The following NECTIN3 variants were observed in gnomAD, a reference collection of about 807,000 sequenced individuals.
The protein encoded by NECTIN3 is nectin cell adhesion molecule 3.
NECTIN3 carries 8 observed loss-of-function variants against 49.4 expected under a neutral mutation model. That is an observed-to-expected ratio of 0.16 (90% CI 0.10 to 0.29). The LOEUF is 0.29. Ranked by LOEUF, NECTIN3 falls within the 10% of genes least tolerant of loss-of-function variation. The pLI is 1.00. For synonymous variants in NECTIN3, 277 were observed against 241.1 expected (o/e 1.15, Z -1.38); for missense variants, 581 against 654.6 (o/e 0.89, Z 1.23).
At chr3:111,119,948 C>A (rs2033874842) in intron 3 of NECTIN3, among the ~76,000 whole-genome samples, 1 of 152,124 alleles carries the variant, frequency 6.6e-6, no homozygotes, top group South Asian at 2.1e-4. Context: ...TTGGTGTAAT[C>A]ATTTTTAAAG....
At chr3:111,152,120 G>A (rs2035011927) in intron 7 of NECTIN3, among the ~76,000 whole-genome samples, 1 of 151,802 alleles carries the variant, frequency 6.6e-6, no homozygotes, top group Non-Finnish European at 1.5e-5. Context: ...TGTCTACGTA[G>A]TATTGTAATG....
intron 5 of NECTIN3, among the ~76,000 whole-genome samples, chr3:111,143,482 A>T (rs937564103): frequency 6.6e-6 from 1 of 151,928 alleles, no homozygotes; most frequent in Admixed American, 6.6e-5. Context: ...AGAAAGTAAA[A>T]CATTCTTTTT....
At chr3:111,084,542 A>C (rs2031817021) in intron 1 of NECTIN3, among the ~76,000 whole-genome samples, 1 of 152,212 alleles carries the variant, frequency 6.6e-6, no homozygotes, top group Admixed American at 6.5e-5. Flanking sequence ...GAAGTAGAAT[A>C]GAGTCAGACT....
chr3:111,150,131 A>G (rs1225793485), intron 7 of NECTIN3, among the ~76,000 whole-genome samples: 1 of 152,068 alleles, frequency 6.6e-6, no homozygotes, highest in Non-Finnish European at 1.5e-5. Context: ...AATCTTAGAA[A>G]TCATGATCAG....
chr3:111,093,503 T>C (rs2032397406), intron 1 of NECTIN3, among the ~76,000 whole-genome samples: 1 of 151,846 alleles, frequency 6.6e-6, no homozygotes. Context: ...GGCGTGATCT[T>C]GGCTCCCTGC....
At chr3:111,145,015 A>G (rs1047501918) in exon 6 of NECTIN3, 46 of 1,536,396 alleles carry the variant, frequency 3.0e-5, no homozygotes, top group Non-Finnish European at 3.6e-5. Context: ...TCGAAAAAAA[A>G]GACCATCCTA....
At chr3:111,170,751 G>A (rs1435424241) in intron 7 of NECTIN3, among the ~76,000 whole-genome samples, 1 of 152,150 alleles carries the variant, frequency 6.6e-6, no homozygotes, top group East Asian at 1.9e-4. Flanking sequence ...TGAAGCACCT[G>A]ATGAGCTATC....
chr3:111,131,453 G>C (rs1435724464), intron 5 of NECTIN3, among the ~76,000 whole-genome samples: 3 of 151,936 alleles, frequency 2.0e-5, no homozygotes, highest in African/African-American at 4.8e-5. Flanking sequence ...TGCACGCATT[G>C]TCATATTTCC....
At chr3:111,185,046 C>G (rs2107534824) in intron 7 of NECTIN3, among the ~76,000 whole-genome samples, 1 of 152,310 alleles carries the variant, frequency 6.6e-6, no homozygotes, top group South Asian at 2.1e-4. Context: ...AGCTCCCTAG[C>G]AAATTTTCTT....
intron 1 of NECTIN3, among the ~76,000 whole-genome samples, chr3:111,089,382 A>G (rs1292977453): frequency 6.6e-6 from 1 of 151,226 alleles, no homozygotes; most frequent in African/African-American, 2.4e-5. Flanking sequence ...ATGGATAGTT[A>G]GATTACTGAT....
At chr3:111,118,132 T>C (rs2033766361) in intron 2 of NECTIN3, among the ~76,000 whole-genome samples, 1 of 151,394 alleles carries the variant, frequency 6.6e-6, no homozygotes, top group Non-Finnish European at 1.5e-5. Flanking sequence ...ACATTTCATC[T>C]CCAATAGGTA....
chr3:111,071,825 A>T lies in NECTIN3; in HGVS notation c.-193A>T. ...GGGCGGCTCCCGCTTCAGCCTCGGC[A>T]GTGGCGTCGGCGACGGCGGTGTCGA... On this transcript the variant is annotated 5_prime_UTR_variant, in exon 1 of 6. Transcript: ENST00000485303. The T allele has an allele frequency of 2.7e-6, 1 of 366,796 alleles. No homozygotes were observed. The highest frequency in any genetic ancestry group is 1.2e-4 in the South Asian group (1 of 8,530). The allele number at this position is 366,796 out of a possible 1,614,324, so 22.7% of individuals were successfully genotyped here.
At chr3:111,094,590 A>G (rs1212532987) in intron 1 of NECTIN3, among the ~76,000 whole-genome samples, 1 of 152,106 alleles carries the variant, frequency 6.6e-6, no homozygotes, top group African/African-American at 2.4e-5. Context: ...GATACCAAGC[A>G]CAATCAGCAG....
At chr3:111,133,126 G>T (rs950300988) in intron 5 of NECTIN3, among the ~76,000 whole-genome samples, 6 of 151,400 alleles carry the variant, frequency 4.0e-5, no homozygotes, top group African/African-American at 1.2e-4. Flanking sequence ...TTAAAGATAC[G>T]CTCAGCTCTT....
intron 1 of NECTIN3, chr3:111,193,138 T>A (rs1398650835): frequency 7.1e-7 from 1 of 1,400,782 alleles, no homozygotes; most frequent in Non-Finnish European, 9.7e-7. Flanking sequence ...TGCCTGTTTT[T>A]ACCAGTGCTA....
chr3:111,181,315 G>A (rs2035623501), intron 7 of NECTIN3, among the ~76,000 whole-genome samples: 1 of 152,132 alleles, frequency 6.6e-6, no homozygotes, highest in Non-Finnish European at 1.5e-5. Context: ...TTATTGCTGA[G>A]AAGTGTCCTA....
At chr3:111,149,458 GATGTGTGTGTGT>G (rs1287111894) in intron 7 of NECTIN3, among the ~76,000 whole-genome samples, 2 of 109,554 alleles carry the variant, frequency 1.8e-5, no homozygotes, top group African/African-American at 8.2e-5. Flanking sequence ...ATTCTGGTAG[GATGTGTGTGTGT>G]GTGTGTGTGT....
At chr3:111,147,458 C>A in exon 7 of NECTIN3, 1 of 1,531,840 alleles carries the variant, frequency 6.5e-7, no homozygotes, top group Non-Finnish European at 8.7e-7. Flanking sequence ...ACGATCCCCA[C>A]CTTTGCCTCA....
chr3:111,102,811 A>G (rs887536616), intron 1 of NECTIN3, among the ~76,000 whole-genome samples: 1 of 152,080 alleles, frequency 6.6e-6, no homozygotes, highest in African/African-American at 2.4e-5. Flanking sequence ...ATCTATTTCA[A>G]GTTAATTTTT....
Sources: gnomAD v4.1 joint callset for allele counts (sites outside exome capture counted in the v4.1 genomes callset) on GRCh38, gnomAD v4.1.1 for gene constraint, MANE v1.5 for transcripts, NCBI Gene and HGNC (gene_info 2026-07-23, HGNC 2026-07-21) for gene names.